The following CORO2A variants were observed in gnomAD, a reference collection of about 807,000 sequenced individuals.
CORO2A encodes the protein coronin 2A, also known as coronin-2A.
A neutral mutation model predicts 62.4 loss-of-function variants in CORO2A; 47 were observed. The observed-to-expected ratio is 0.75, with a 90% CI of 0.60 to 0.96. CORO2A has a LOEUF of 0.96. Ranked by LOEUF, CORO2A falls within the 40% of genes least tolerant of loss-of-function variation. The probability of loss-of-function intolerance (pLI) is 0.00; values close to 1 mark genes in which losing one functional copy is unlikely to be tolerated. For missense variants in CORO2A, 610 were observed against 684.1 expected (o/e 0.89, Z 1.21); for synonymous variants, 273 against 268.9 (o/e 1.02, Z -0.15).
Position 98,126,826 on chromosome 9 carries a change from G to C in CORO2A, c.1172-3C>G. On this transcript the variant is annotated splice_region_variant and splice_polypyrimidine_tract_variant and intron_variant, in intron 10 of 11. Transcript: ENST00000375077. ...CCTAAGGGACACCAGGATTGGGTCTGGAAGGGAAGCAGAGCCATGTGAGGA... is the reference window on the plus strand; with the variant it reads ...CCTAAGGGACACCAGGATTGGGTCTCGAAGGGAAGCAGAGCCATGTGAGGA... 3.1e-6 allele frequency: 5 copies of C among 1,614,120 alleles called. No individual in the cohort carries two copies. The highest frequency in any genetic ancestry group is 4.2e-6 in the Non-Finnish European group (5 of 1,180,004).
intron 1 of CORO2A, among the ~76,000 whole-genome samples, chr9:98,173,944 C>T (rs1828073866): frequency 6.6e-6 from 1 of 152,034 alleles, no homozygotes; most frequent in Admixed American, 6.6e-5. Flanking sequence ...TGGAGAAACC[C>T]CGTCTTTACT....
intron 2 of CORO2A, among the ~76,000 whole-genome samples, chr9:98,139,004 G>A (rs1827530502): frequency 6.8e-6 from 1 of 147,994 alleles, no homozygotes; most frequent in Non-Finnish European, 1.5e-5. Context: ...CCAAGATCAT[G>A]CCACTGCACT....
chr9:98,126,427 G>C (rs1009614423), intron 11 of CORO2A, 122 bp downstream of exon 11: 26 of 1,324,660 alleles, frequency 2.0e-5, no homozygotes, highest in Non-Finnish European at 2.7e-5. Context: ...CAAGTGACTA[G>C]GCCAGGCCAC....
At chr9:98,141,197 C>CGAAA (rs757107247) in intron 2 of CORO2A, among the ~76,000 whole-genome samples, 6 of 152,016 alleles carry the variant, frequency 3.9e-5, no homozygotes, top group Non-Finnish European at 8.8e-5. Context: ...AATTTTCTCT[C>CGAAA]TTTCAAGTGG....
intron 2 of CORO2A, among the ~76,000 whole-genome samples, chr9:98,141,914 A>G (rs953721276): frequency 7.2e-5 from 11 of 151,890 alleles, no homozygotes; most frequent in African/African-American, 2.7e-4. Flanking sequence ...ATGTATATGT[A>G]TGTATATTTG....
At chr9:98,190,925 C>A (rs191542397) in intron 1 of CORO2A, among the ~76,000 whole-genome samples, 70 of 152,334 alleles carry the variant, frequency 4.6e-4, no homozygotes, top group African/African-American at 1.4e-3. Flanking sequence ...ACCATGGCCG[C>A]AGGGCAAGGT....
chr9:98,170,520 C>A (rs1828019834), intron 1 of CORO2A, among the ~76,000 whole-genome samples: 1 of 152,198 alleles, frequency 6.6e-6, no homozygotes, highest in Admixed American at 6.5e-5. Flanking sequence ...TGGCTCACTG[C>A]AACCTCTGCC....
At position 98,164,867 on chromosome 9, in the gene CORO2A, AG is replaced by A. The variant is rs763131602; in HGVS notation, c.1-7208del. Among the ~76,000 whole-genome samples, 33 of 152,262 alleles carry A rather than the reference AG, an allele frequency of 2.2e-4. 1 individual carries two copies. The highest frequency in any genetic ancestry group is 2.1e-3 in the East Asian group (11 of 5,182). On this transcript the variant is annotated intron_variant, in intron 1 of 11. Coordinates refer to ENST00000375077, the MANE Select transcript of CORO2A (RefSeq NM_052820.4). ...CTCGGATTGTGGAGGGGTTCCAGGG[AG>A]GCAGGACTTACAGCGCTAAACTGGG...
chr9:98,136,144 G>C (rs1827484134), intron 3 of CORO2A, among the ~76,000 whole-genome samples: 1 of 152,218 alleles, frequency 6.6e-6, no homozygotes, highest in Non-Finnish European at 1.5e-5. Context: ...AATGAGGCTA[G>C]CAAGAGATTT....
chr9:98,179,059 T>C, intron 1 of CORO2A, among the ~76,000 whole-genome samples: 1 of 152,232 alleles, frequency 6.6e-6, no homozygotes, highest in East Asian at 1.9e-4. Flanking sequence ...CTGGTCCTTT[T>C]ACTTTACTGT....
At chr9:98,168,291 C>A (rs4743175) in intron 1 of CORO2A, among the ~76,000 whole-genome samples, 6 of 152,158 alleles carry the variant, frequency 3.9e-5, no homozygotes, top group South Asian at 4.1e-4. Context: ...CAGCACCACC[C>A]TATCATTTCC....
At chr9:98,186,513 T>C (rs557514887) in intron 1 of CORO2A, among the ~76,000 whole-genome samples, 1 of 152,294 alleles carries the variant, frequency 6.6e-6, no homozygotes, top group Non-Finnish European at 1.5e-5. Context: ...TAAATGTTCA[T>C]ATTGATTATG....
chr9:98,130,823 G>T, intron 7 of CORO2A, 132 bp downstream of exon 7: 1 of 699,884 alleles, frequency 1.4e-6, no homozygotes. Context: ...GGTGGGAGGG[G>T]TTCCTTCTCA....
intron 1 of CORO2A, among the ~76,000 whole-genome samples, chr9:98,179,635 G>A (rs1047146336): frequency 1.3e-5 from 2 of 152,164 alleles, no homozygotes; most frequent in African/African-American, 4.8e-5. Flanking sequence ...GGAAGGGGAA[G>A]TGGCAGGGAT....
intron 2 of CORO2A, among the ~76,000 whole-genome samples, chr9:98,148,778 C>CAAACA (rs1564207158): frequency 1.1e-4 from 14 of 130,340 alleles, no homozygotes; most frequent in African/African-American, 2.1e-4. Context: ...AACAAACAAA[C>CAAACA]AAAAAAAACA....
chr9:98,134,933 T>A lies in CORO2A; in HGVS notation c.341A>T (p.Lys114Met). Residue 114 changes from lysine (K) to methionine (M), a missense_variant, in exon 4 of 12, where the codon AAG becomes ATG. Physicochemically the swap from Lys to Met is moderately conservative, Grantham distance 95. Transcript: ENST00000375077. ...DATIKIWSIP[K>M]QLLTRNLTAY... ...CGTGAGGTTCCTGGTCAGCAGCTGCTTGGGGATGCTCCAGATCTTAATCTG... is the reference window on the plus strand; with the variant it reads ...CGTGAGGTTCCTGGTCAGCAGCTGCATGGGGATGCTCCAGATCTTAATCTG... 1 of 1,614,120 alleles carries A rather than the reference T, an allele frequency of 6.2e-7. No individual in the cohort carries two copies. Among genetic ancestry groups the A allele is most frequent in the South Asian group, 1.1e-5 (1 of 91,080 alleles).
chr9:98,182,406 T>A (rs555067055), intron 1 of CORO2A, among the ~76,000 whole-genome samples: 1 of 152,164 alleles, frequency 6.6e-6, no homozygotes, highest in Non-Finnish European at 1.5e-5. Flanking sequence ...CTAGTGACCC[T>A]GCCAGCAAGC....
intron 1 of CORO2A, among the ~76,000 whole-genome samples, chr9:98,163,859 T>G (rs901770748): frequency 1.1e-4 from 16 of 152,110 alleles, no homozygotes; most frequent in African/African-American, 3.9e-4. Flanking sequence ...AAGGGTTAGC[T>G]GCAGGGTGGC....
rs866573938 is a variant in CORO2A, at chr9:98,141,356, T to A, written c.202-3668A>T. Among the ~76,000 whole-genome samples the A allele has an allele frequency of 3.0e-3, 447 of 150,980 alleles. 1 individual carries two copies. Among genetic ancestry groups the A allele is most frequent in the African/African-American group, 0.01 (421 of 41,098 alleles). ...TCCATGGGACCACTGACCCTTTTTTTTTTTTTTTTTTTGGACATGGAGTCT... is the reference window on the plus strand; with the variant it reads ...TCCATGGGACCACTGACCCTTTTTTATTTTTTTTTTTTGGACATGGAGTCT... On this transcript the variant is annotated intron_variant, in intron 2 of 11. Transcript: ENST00000375077.
Sources: allele counts gnomAD v4.1 joint callset (sites outside exome capture counted in the v4.1 genomes callset), GRCh38; gene constraint gnomAD v4.1.1; transcripts MANE v1.5; gene names NCBI Gene and HGNC (gene_info 2026-07-23, HGNC 2026-07-21).